The following PPARG variants were observed in gnomAD, a reference collection of about 807,000 sequenced individuals.
The protein encoded by PPARG is peroxisome proliferator-activated receptor gamma.
PPARG carries 17 observed loss-of-function variants against 39.2 expected under a neutral mutation model. The ratio of observed to expected loss-of-function variants is 0.43; its 90% CI spans 0.30 to 0.65. The LOEUF is 0.65. Ranked by LOEUF, PPARG falls within the 30% of genes least tolerant of loss-of-function variation. The pLI is 0.13. For synonymous variants in PPARG, 223 were observed against 215.7 expected (o/e 1.03, Z -0.30); for missense variants, 406 against 585.9 (o/e 0.69, Z 3.17).
chr3:12,297,125 C>T (rs749466848), intron 1 of PPARG, among the ~76,000 whole-genome samples: 1 of 151,968 alleles, frequency 6.6e-6, no homozygotes, highest in Admixed American at 6.6e-5. Flanking sequence ...TTATAAGAAC[C>T]CATATTTGGA....
At chr3:12,340,203 T>G (rs971983986) in intron 2 of PPARG, among the ~76,000 whole-genome samples, 1 of 152,214 alleles carries the variant, frequency 6.6e-6, no homozygotes, top group African/African-American at 2.4e-5. Context: ...AGTTGTGCTC[T>G]TTGGATCCCT....
At chr3:12,351,776 C>T in intron 2 of PPARG, 1 of 891,294 alleles carries the variant, frequency 1.1e-6, no homozygotes, top group Non-Finnish European at 1.9e-6. Context: ...TGTTTTAATA[C>T]TATCATGTGT....
chr3:12,376,602 A>C (rs1036209872), intron 2 of PPARG, among the ~76,000 whole-genome samples: 4 of 152,022 alleles, frequency 2.6e-5, no homozygotes, highest in Non-Finnish European at 5.9e-5. Flanking sequence ...TGAACAATTC[A>C]CTTTACTTCT....
chr3:12,405,718 T>C (rs1362051916), intron 5 of PPARG, among the ~76,000 whole-genome samples, 164 bp from the exon 6 acceptor site: 3 of 152,228 alleles, frequency 2.0e-5, no homozygotes, highest in African/African-American at 7.2e-5. Flanking sequence ...TGTGCTACTT[T>C]TGTGAAATAA....
At chr3:12,339,408 A>G (rs1022241812) in intron 2 of PPARG, among the ~76,000 whole-genome samples, 1 of 152,200 alleles carries the variant, frequency 6.6e-6, no homozygotes, top group Admixed American at 6.5e-5. Flanking sequence ...AAAGCTTGGT[A>G]AATTTACTAA....
At chr3:12,389,140 C>T (rs545739941) in intron 4 of PPARG, among the ~76,000 whole-genome samples, 10 of 152,204 alleles carry the variant, frequency 6.6e-5, no homozygotes, top group South Asian at 2.1e-4. Flanking sequence ...CACTAATGAA[C>T]TTTAGTGAGA....
intron 2 of PPARG, among the ~76,000 whole-genome samples, chr3:12,363,975 C>T (rs942096351): frequency 1.1e-4 from 17 of 151,864 alleles, no homozygotes; most frequent in African/African-American, 4.1e-4. Flanking sequence ...TCCTGTCCCC[C>T]ACCACGCACA....
chr3:12,307,445 C>G (rs371090896), intron 1 of PPARG, among the ~76,000 whole-genome samples: 2 of 152,310 alleles, frequency 1.3e-5, no homozygotes, highest in South Asian at 4.1e-4. Context: ...ATAATCCCTT[C>G]CCCTACTCTT....
chr3:12,350,958 G>A (rs1224381126), intron 2 of PPARG, among the ~76,000 whole-genome samples: 3 of 151,904 alleles, frequency 2.0e-5, no homozygotes. Context: ...TATCATTTTG[G>A]GCTTCACAAA....
At chr3:12,418,596 A>G (rs1005883299) in intron 7 of PPARG, among the ~76,000 whole-genome samples, 14 of 152,242 alleles carry the variant, frequency 9.2e-5, no homozygotes, top group Non-Finnish European at 1.2e-4. Flanking sequence ...TGTGCCAGGC[A>G]GTGTTCTAAG....
chr3:12,416,159 A>G (rs2125282400), intron 6 of PPARG, among the ~76,000 whole-genome samples: 1 of 152,322 alleles, frequency 6.6e-6, no homozygotes, highest in South Asian at 2.1e-4. Context: ...CAGGCAGATC[A>G]CTTGAGGCCA....
chr3:12,367,509 A>G (rs2049055082), intron 2 of PPARG, among the ~76,000 whole-genome samples: 1 of 151,856 alleles, frequency 6.6e-6, no homozygotes, highest in Non-Finnish European at 1.5e-5. Flanking sequence ...GCGTAAGCAA[A>G]CTCCCTAGAC....
intron 7 of PPARG, among the ~76,000 whole-genome samples, chr3:12,427,934 C>T (rs1012605865): frequency 8.5e-5 from 13 of 152,164 alleles, no homozygotes; most frequent in African/African-American, 1.4e-4. Context: ...TGGTTTTGAA[C>T]GCCCTAGGGA....
At chr3:12,306,402 T>C (rs1229151923) in intron 1 of PPARG, among the ~76,000 whole-genome samples, 1 of 152,170 alleles carries the variant, frequency 6.6e-6, no homozygotes, top group Non-Finnish European at 1.5e-5. Flanking sequence ...GGGGGACTCC[T>C]AATATACAGT....
intron 2 of PPARG, among the ~76,000 whole-genome samples, chr3:12,360,870 G>A (rs1375420457): frequency 6.6e-6 from 1 of 152,148 alleles, no homozygotes; most frequent in Non-Finnish European, 1.5e-5. Context: ...ATTGCAAATA[G>A]TACTGCTATG....
intron 2 of PPARG, among the ~76,000 whole-genome samples, chr3:12,334,215 A>C (rs191962401): frequency 1.6e-3 from 238 of 148,808 alleles, no homozygotes; most frequent in African/African-American, 4.2e-3. Context: ...CTTAAATTTT[A>C]TTTTCTTTTC....
chr3:12,374,957 C>A (rs2125156342), intron 2 of PPARG, among the ~76,000 whole-genome samples: 1 of 152,324 alleles, frequency 6.6e-6, no homozygotes, highest in Admixed American at 6.5e-5. Flanking sequence ...CTAGGAATTT[C>A]ATATAATATT....
Position 12,321,219 on chromosome 3 carries a change from T to G in PPARG, c.-9+8766T>G, listed in dbSNP as rs376948792. On this transcript the variant is annotated intron_variant, in intron 2 of 7. Transcript: ENST00000651735. The stretch of plus-strand genomic sequence containing the variant: ...CTTTAAGTTCATGGCCTTCTGAAGA[T>G]CAGCTGGGCTGGGATGAGTGGTGGC... 3.9e-5 allele frequency among the ~76,000 whole-genome samples: 6 copies of G among 152,292 alleles called. No individual in the cohort carries two copies. In the East Asian group the frequency reaches 1.2e-3, roughly 29 times the overall value.
intron 2 of PPARG, among the ~76,000 whole-genome samples, chr3:12,368,418 G>C (rs781152525): frequency 2.6e-5 from 4 of 152,018 alleles, no homozygotes; most frequent in Non-Finnish European, 5.9e-5. Context: ...CTGACCTCAG[G>C]TGATCCTCCC....
Sources: gnomAD v4.1 joint callset for allele counts (sites outside exome capture counted in the v4.1 genomes callset) on GRCh38, gnomAD v4.1.1 for gene constraint, MANE v1.5 for transcripts, NCBI Gene and HGNC (gene_info 2026-07-23, HGNC 2026-07-21) for gene names.